Variants in ZFAT observed in about 807,000 individuals in gnomAD.
ZFAT encodes the protein zinc finger and AT-hook domain containing, also known as zinc finger protein ZFAT.
A neutral mutation model predicts 117.7 loss-of-function variants in ZFAT; 64 were observed. That is an observed-to-expected ratio of 0.54 (90% confidence interval 0.44 to 0.67). The LOEUF (loss-of-function observed/expected upper bound fraction) is 0.67. ZFAT is among the 30% of genes least tolerant of loss of function. ZFAT has a pLI of 0.00. For synonymous variants in ZFAT, 679 were observed against 615.0 expected (o/e 1.10, Z -1.54); for missense variants, 1,433 against 1,584.5 (o/e 0.90, Z 1.62).
chr8:134,593,680 G>A (rs568292986), intron 7 of ZFAT, among the ~76,000 whole-genome samples: 59 of 152,310 alleles, frequency 3.9e-4, no homozygotes, highest in African/African-American at 9.9e-4. Context: ...TCTCTGCTCC[G>A]GGCAAACCTC....
the ZFAT span, among the ~76,000 whole-genome samples, chr8:134,801,929 G>C: frequency 8.5e-5 from 13 of 152,248 alleles, no homozygotes; most frequent in Admixed American, 1.3e-4. Flanking sequence ...TGGGAACTGT[G>C]GGGGGAAAAG....
At chr8:134,628,785 C>G (rs762805554) in intron 3 of ZFAT, among the ~76,000 whole-genome samples, 5 of 152,172 alleles carry the variant, frequency 3.3e-5, no homozygotes, top group Admixed American at 6.5e-5. Context: ...CCCCAGTTTC[C>G]TCATCCATGA....
chr8:134,614,599 G>A (rs1828588153), intron 3 of ZFAT, among the ~76,000 whole-genome samples: 1 of 152,124 alleles, frequency 6.6e-6, no homozygotes, highest in Non-Finnish European at 1.5e-5. Context: ...TGACTTCTTG[G>A]GATTTTATGA....
the ZFAT span, among the ~76,000 whole-genome samples, chr8:134,752,057 G>A: frequency 6.6e-6 from 1 of 152,102 alleles, no homozygotes; most frequent in East Asian, 1.9e-4. Flanking sequence ...TACCAAATGA[G>A]GGGGTTAGGC....
At chr8:134,719,516 C>G in the ZFAT span, among the ~76,000 whole-genome samples, 1 of 152,198 alleles carries the variant, frequency 6.6e-6, no homozygotes, top group African/African-American at 2.4e-5. Flanking sequence ...CGCCAGCTCG[C>G]TGCAGAACTC....
At chr8:134,481,231 G>A (rs1263625341) in intron 15 of ZFAT, among the ~76,000 whole-genome samples, 2 of 152,160 alleles carry the variant, frequency 1.3e-5, no homozygotes, top group African/African-American at 2.4e-5. Context: ...GAAAGGGAAG[G>A]CAACATGCAG....
At chr8:134,752,608 C>T in the ZFAT span, among the ~76,000 whole-genome samples, 1 of 152,152 alleles carries the variant, frequency 6.6e-6, no homozygotes, top group African/African-American at 2.4e-5. Flanking sequence ...AACAAAATCC[C>T]ACAGACTGGG....
chr8:134,758,482 A>G, the ZFAT span, among the ~76,000 whole-genome samples: 35 of 152,322 alleles, frequency 2.3e-4, no homozygotes, highest in African/African-American at 8.2e-4. Flanking sequence ...ACTGGCTCCA[A>G]TCTTTGGTTC....
chr8:134,478,605 C>T lies in ZFAT; in HGVS notation c.3609G>A (p.Glu1203=), dbSNP rs1817049295. 4 of 1,590,720 alleles carry T rather than the reference C, an allele frequency of 2.5e-6. No individual in the cohort carries two copies. The South Asian group carries it at 4.6e-5, about 18-fold the overall frequency. The part of the protein sequence containing the change: ...HHLVVSSDDV[E]GIETVTVYTQ... Reference sequence around the variant, plus strand: ...TGTAGACAGTCACCGTCTCAATGCCCTCCACGTCGTCGGAGGACACCACCA... The same window carrying T: ...TGTAGACAGTCACCGTCTCAATGCCTTCCACGTCGTCGGAGGACACCACCA... Residue 1203 remains glutamate, a synonymous_variant, in exon 16 of 16, where the codon GAG becomes GAA. Coordinates refer to ENST00000377838, the MANE Select transcript of ZFAT (RefSeq NM_020863.4). This position sits in a 1 kb window ranked among gnomAD's most constrained non-coding sequence, Gnocchi z 5.2.
the ZFAT span, among the ~76,000 whole-genome samples, chr8:134,754,142 G>A: frequency 6.6e-6 from 1 of 152,232 alleles, no homozygotes; most frequent in Non-Finnish European, 1.5e-5. Context: ...ACTGCTAAAT[G>A]AACTACACGC....
At chr8:134,793,672 T>A in the ZFAT span, 1 of 151,742 alleles carries the variant, frequency 6.6e-6, no homozygotes, top group East Asian at 1.9e-4. Flanking sequence ...TGCTCCCTGC[T>A]CACCTCCTGC....
chr8:134,488,744 G>T (rs552937810), intron 15 of ZFAT, among the ~76,000 whole-genome samples: 1 of 152,206 alleles, frequency 6.6e-6, no homozygotes, highest in African/African-American at 2.4e-5. Context: ...TGTCAGGGTC[G>T]GGGGAAGGTG....
chr8:134,583,752 A>T, intron 10 of ZFAT, 80 bp downstream of exon 10: 1 of 1,531,936 alleles, frequency 6.5e-7, no homozygotes, highest in Non-Finnish European at 8.8e-7. Context: ...CCTCTGGTAC[A>T]GCAAGTTTCT....
chr8:134,804,997 G>A, the ZFAT span: 1 of 509,698 alleles, frequency 2.0e-6, no homozygotes, highest in Non-Finnish European at 4.1e-6. Context: ...AATGTTGCCA[G>A]TCATCATCTT....
chr8:134,715,979 T>C (rs1193856660), upstream of ZFAT, among the ~76,000 whole-genome samples: 1 of 152,064 alleles, frequency 6.6e-6, no homozygotes, highest in African/African-American at 2.4e-5. Flanking sequence ...TAATGGATCT[T>C]GGCTGGGCAT....
chr8:134,515,270 G>A (rs1032089844), intron 13 of ZFAT, among the ~76,000 whole-genome samples: 3 of 152,160 alleles, frequency 2.0e-5, no homozygotes, highest in Non-Finnish European at 2.9e-5. Context: ...ATAAACATAC[G>A]TGTGTGCATG....
Position 134,565,369 on chromosome 8 carries a change from C to A in ZFAT, c.2940G>T (p.Gln980His). 1 of 1,613,932 alleles carries A rather than the reference C, an allele frequency of 6.2e-7. No homozygotes were observed. The highest frequency in any genetic ancestry group is 8.5e-7 in the Non-Finnish European group (1 of 1,179,890). ...CATGCTGTTCCATGTGCCGCAGCAG[C>A]TGTGGCTTCTGGGCCGCTGTGTAGT... The part of the protein sequence containing the change: ...VCDYTAAQKP[Q>H]LLRHMEQHVS... The change falls in exon 11 of 16, where the codon CAG becomes CAT. Residue 980 changes from glutamine (Q) to histidine (H), a missense_variant. This residue lies in a region of ZFAT where 503 missense variants were observed against 543.4 expected (regional missense o/e 0.93). Coordinates refer to ENST00000377838, the MANE Select transcript of ZFAT (RefSeq NM_020863.4).
At chr8:134,632,213 C>T (rs1216975935) in intron 3 of ZFAT, among the ~76,000 whole-genome samples, 1 of 152,146 alleles carries the variant, frequency 6.6e-6, no homozygotes, top group Non-Finnish European at 1.5e-5. Flanking sequence ...TATGATGATC[C>T]ACTTCCACTT....
At chr8:134,654,188 G>T (rs947786853) in intron 2 of ZFAT, among the ~76,000 whole-genome samples, 1 of 152,054 alleles carries the variant, frequency 6.6e-6, no homozygotes, top group Non-Finnish European at 1.5e-5. Context: ...CCAGCTACTT[G>T]GGAGGCTGAG....
Sources: allele counts gnomAD v4.1 joint callset (sites outside exome capture counted in the v4.1 genomes callset), GRCh38; gene constraint gnomAD v4.1.1; regional missense constraint gnomAD v4.1.1; non-coding constraint Gnocchi (gnomAD v3.1); transcripts MANE v1.5; gene names NCBI Gene and HGNC (gene_info 2026-07-23, HGNC 2026-07-21).